The following BANF2 variants were observed in gnomAD, a reference collection of about 807,000 sequenced individuals.
BANF2 encodes the protein BANF family member 2.
Under a neutral mutation model 8.0 loss-of-function variants are expected in BANF2, and 4 were observed. The observed-to-expected ratio is 0.50, with a 90% confidence interval of 0.25 to 1.14. The LOEUF (loss-of-function observed/expected upper bound fraction) is 1.14, where lower values mean the gene tolerates loss of function less well. Ranked by LOEUF, BANF2 falls within the 50% of genes most tolerant of loss-of-function variation. The probability of loss-of-function intolerance (pLI) is 0.16; values close to 1 mark genes in which losing one functional copy is unlikely to be tolerated. For synonymous variants in BANF2, 50 were observed against 40.6 expected (o/e 1.23, Z -0.88); for missense variants, 96 against 107.5 (o/e 0.89, Z 0.47).
intron 1 of BANF2, among the ~76,000 whole-genome samples, chr20:17,719,919 T>C (rs977789513): frequency 6.6e-6 from 1 of 152,166 alleles, no homozygotes; most frequent in African/African-American, 2.4e-5. Flanking sequence ...AACCCCATCA[T>C]CCCAGCAAAT....
intron 2 of BANF2, among the ~76,000 whole-genome samples, chr20:17,723,325 G>T (rs1294409232): frequency 1.3e-5 from 2 of 152,208 alleles, no homozygotes; most frequent in African/African-American, 4.8e-5. Context: ...AGATAGCTTT[G>T]TGTTTCTTTG....
chr20:17,713,161 A>G (rs922053389), intron 1 of BANF2, among the ~76,000 whole-genome samples: 4 of 152,100 alleles, frequency 2.6e-5, no homozygotes, highest in Non-Finnish European at 4.4e-5. Flanking sequence ...CTGAGGCAGG[A>G]GGATGGAGGA....
intron 3 of BANF2, among the ~76,000 whole-genome samples, chr20:17,733,774 AT>A (rs2037936546): frequency 6.6e-6 from 1 of 152,308 alleles, no homozygotes; most frequent in East Asian, 1.9e-4. Flanking sequence ...TTTTTCTCTT[AT>A]CAACAACTGG....
chr20:17,702,734 C>T (rs1376674629), intron 1 of BANF2, among the ~76,000 whole-genome samples: 4 of 152,308 alleles, frequency 2.6e-5, no homozygotes, highest in African/African-American at 7.2e-5. Flanking sequence ...CCCAAGAACA[C>T]ATGGTCTGAC....
rs1347262039 is a variant in BANF2 at position 17,712,584 on chromosome 20, TTTCTC to T, written c.-166-10128_-166-10124del. The stretch of plus-strand genomic sequence containing the variant: ...CGTGCCCATGAACGTTCATCTTTCT[TTTCTC>T]TTCCACCTTCCCTGGGAGGGTAGTG... On this transcript the variant is annotated intron_variant, in intron 1 of 3. Coordinates refer to ENST00000246090, the MANE Select transcript of BANF2 (RefSeq NM_178477.5). The T allele has an allele frequency of 1.7e-5, 16 of 953,370 alleles. No individual in the cohort carries two copies. The Admixed American group carries it at 1.9e-4, about 11-fold the overall frequency. The allele number at this position is 953,370 out of a possible 1,614,324, so 59.1% of individuals were successfully genotyped here.
intron 1 of BANF2, among the ~76,000 whole-genome samples, chr20:17,701,950 A>G (rs2037415523): frequency 6.6e-6 from 1 of 152,176 alleles, no homozygotes; most frequent in Non-Finnish European, 1.5e-5. Context: ...GCCACCATTT[A>G]CAAAATGCCT....
intron 1 of BANF2, 86 bp downstream of exon 1, chr20:17,700,141 C>T (rs1171249297): frequency 3.9e-6 from 2 of 510,656 alleles, no homozygotes; most frequent in South Asian, 8.6e-5. Flanking sequence ...CTCATTCTCA[C>T]ACAGGTTTAG....
chr20:17,728,782 A>C (rs1297082931), intron 3 of BANF2, among the ~76,000 whole-genome samples: 1 of 152,176 alleles, frequency 6.6e-6, no homozygotes, highest in East Asian at 1.9e-4. Context: ...TCCCAGGGGC[A>C]ATCAGCATCA....
intron 1 of BANF2, chr20:17,712,548 A>G: frequency 1.0e-6 from 1 of 982,598 alleles, no homozygotes; most frequent in Non-Finnish European, 1.2e-6. Flanking sequence ...CAGGTAGGGA[A>G]GTTCAAGCCC....
At chr20:17,730,912 A>G (rs1170077815) in intron 3 of BANF2, among the ~76,000 whole-genome samples, 2 of 152,208 alleles carry the variant, frequency 1.3e-5, no homozygotes, top group Non-Finnish European at 2.9e-5. Flanking sequence ...TAATTTTCTT[A>G]GTGTAAAATT....
intron 1 of BANF2, among the ~76,000 whole-genome samples, chr20:17,711,370 C>T (rs377033113): frequency 6.6e-5 from 10 of 152,234 alleles, no homozygotes; most frequent in East Asian, 3.8e-4. Context: ...CACACTTACC[C>T]GTATAAAGAA....
intron 3 of BANF2, among the ~76,000 whole-genome samples, chr20:17,734,196 G>A (rs2037942225): frequency 1.3e-5 from 2 of 152,136 alleles, no homozygotes; most frequent in African/African-American, 2.4e-5. Context: ...TAAAAGCCTC[G>A]AGGCAAGTAT....
At chr20:17,701,688 G>A (rs1443118741) in intron 1 of BANF2, among the ~76,000 whole-genome samples, 1 of 152,152 alleles carries the variant, frequency 6.6e-6, no homozygotes, top group Non-Finnish European at 1.5e-5. Context: ...GGTGGGTCAC[G>A]CCTTAAGGAC....
intron 2 of BANF2, 109 bp from the exon 3 acceptor site, chr20:17,724,914 C>T (rs2037781605): frequency 1.7e-6 from 2 of 1,150,422 alleles, no homozygotes; most frequent in Non-Finnish European, 1.2e-6. Flanking sequence ...GGAATTCTGC[C>T]ATCTGTTGCC....
chr20:17,718,714 G>T (rs543129440), intron 1 of BANF2, among the ~76,000 whole-genome samples: 1 of 152,236 alleles, frequency 6.6e-6, no homozygotes, highest in South Asian at 2.1e-4. Context: ...AACCTTAAAG[G>T]ATGTCAAACA....
intron 1 of BANF2, among the ~76,000 whole-genome samples, chr20:17,709,586 T>C (rs565864752): frequency 4.4e-4 from 67 of 152,182 alleles, no homozygotes; most frequent in African/African-American, 1.6e-3. Context: ...CTCCTGTTTA[T>C]ATGTGCACCC....
chr20:17,718,722 A>T (rs2037689038), intron 1 of BANF2, among the ~76,000 whole-genome samples: 1 of 152,208 alleles, frequency 6.6e-6, no homozygotes, highest in African/African-American at 2.4e-5. Context: ...AGGATGTCAA[A>T]CATTTGCAAC....
intron 3 of BANF2, among the ~76,000 whole-genome samples, chr20:17,731,759 G>GAAAA (rs58645809): frequency 0.025 from 2,365 of 94,942 alleles, 141 homozygotes; most frequent in African/African-American, 0.093. Context: ...CGTCTCTTAG[G>GAAAA]AAAAAAAAAA....
At chr20:17,698,192 G>A (rs2037366524), upstream of BANF2, among the ~76,000 whole-genome samples, 1 of 151,532 alleles carries the variant, frequency 6.6e-6, no homozygotes, top group South Asian at 2.1e-4. Context: ...TGGGCAACAA[G>A]AGTGAGACTC....
Sources: gnomAD v4.1 joint callset for allele counts (sites outside exome capture counted in the v4.1 genomes callset) on GRCh38, gnomAD v4.1.1 for gene constraint, MANE v1.5 for transcripts, NCBI Gene and HGNC (gene_info 2026-07-23, HGNC 2026-07-21) for gene names.